ATR: variants seen among roughly 807,000 people sequenced by gnomAD.
ATR encodes serine/threonine-protein kinase ATR.
In ATR, 142 loss-of-function variants were observed where a neutral mutation model predicts 305.3. The observed-to-expected ratio is 0.47, with a 90% CI of 0.41 to 0.53. The LOEUF is 0.53. Ranked by LOEUF, ATR falls within the 20% of genes least tolerant of loss-of-function variation. The pLI, the probability that ATR is intolerant of heterozygous loss-of-function variation, is 0.00. For missense variants in ATR, 2,135 were observed against 3,133.1 expected, an observed-to-expected ratio of 0.68 and a Z score of 7.60; for synonymous variants, 1,050 against 1,068.1, an observed-to-expected ratio of 0.98 and a Z score of 0.33.
intron 1 of ATR, 41 bp from the exon 2 acceptor site, chr3:142,568,195 C>A: frequency 6.5e-7 from 1 of 1,538,716 alleles, no homozygotes; most frequent in Admixed American, 1.7e-5. Flanking sequence ...TAAAGTGACT[C>A]AGTTTCATTT....
At chr3:142,523,953 A>G in intron 22 of ATR, 40 bp downstream of exon 22, 1 of 1,581,038 alleles carries the variant, frequency 6.3e-7, no homozygotes. Context: ...CCTCAATAGG[A>G]CAGAGAACTC....
Position 142,508,254 on chromosome 3 carries a change from A to G in ATR, c.4853-145T>C, listed in dbSNP as rs2032358437. On this transcript the variant is annotated intron_variant, in intron 27 of 46. Transcript: ENST00000350721. ...TCATATTTAGAATGTAACTAACAAC[A>G]GAACAATTGTTCAGAGAGTCTTGCT... 1.7e-5 allele frequency: 12 copies of G among 700,756 alleles called. No individual in the cohort carries two copies. In the East Asian group the frequency reaches 3.4e-4, roughly 20 times the overall value. The allele number at this position is 700,756 out of a possible 1,614,324, so 43.4% of individuals were successfully genotyped here.
chr3:142,547,580 T>A, intron 16 of ATR, 145 bp downstream of exon 16: 1 of 914,574 alleles, frequency 1.1e-6, no homozygotes, highest in Non-Finnish European at 1.6e-6. Context: ...TAAATCAGCC[T>A]TTTCAAAATA....
chr3:142,467,661 G>T (rs2071161629), intron 39 of ATR, among the ~76,000 whole-genome samples: 2 of 151,934 alleles, frequency 1.3e-5, no homozygotes, highest in African/African-American at 4.8e-5. Flanking sequence ...ACTAAAAATT[G>T]CTGAGAAACA....
At chr3:142,551,571 G>A (rs2034470255) in intron 13 of ATR, among the ~76,000 whole-genome samples, 1 of 152,122 alleles carries the variant, frequency 6.6e-6, no homozygotes, top group East Asian at 1.9e-4. Context: ...CAAGCAACAG[G>A]GAAAGGACTC....
chr3:142,457,528 A>G lies in ATR; in HGVS notation c.7655+76T>C, dbSNP rs542358200. On this transcript the variant is annotated intron_variant, in intron 45 of 46. Coordinates refer to ENST00000350721, the MANE Select transcript of ATR (RefSeq NM_001184.4). The stretch of plus-strand genomic sequence containing the variant: ...AGTCAGTACAAAGTGGTTTCTACAT[A>G]AAAACAAACATATGTAGGGGCCAAT... The G allele has an allele frequency of 3.2e-6, 5 of 1,580,764 alleles. No homozygotes were observed. The African/African-American group carries it at 5.4e-5, about 17-fold the overall frequency.
At chr3:142,509,635 T>C (rs963171938) in intron 27 of ATR, among the ~76,000 whole-genome samples, 4 of 142,186 alleles carry the variant, frequency 2.8e-5, no homozygotes, top group African/African-American at 1.1e-4. Context: ...TGTCTCACCG[T>C]AGCCTCAATC....
intron 1 of ATR, among the ~76,000 whole-genome samples, chr3:142,576,596 T>C (rs2035448760): frequency 1.3e-5 from 2 of 152,206 alleles, no homozygotes; most frequent in African/African-American, 4.8e-5. Flanking sequence ...ATTTTTTTAA[T>C]TTAAAAAAAG....
intron 41 of ATR, among the ~76,000 whole-genome samples, chr3:142,462,963 C>A (rs1264368082): frequency 1.3e-5 from 2 of 152,036 alleles, no homozygotes; most frequent in Non-Finnish European, 2.9e-5. Flanking sequence ...TAATTCTAGA[C>A]CTGTATGAAG....
At chr3:142,483,505 A>G (rs999294978) in intron 36 of ATR, among the ~76,000 whole-genome samples, 1 of 152,196 alleles carries the variant, frequency 6.6e-6, no homozygotes, top group Non-Finnish European at 1.5e-5. Flanking sequence ...ACCACTTCTT[A>G]TTGGAATGGG....
chr3:142,496,736 TTC>T (rs1437455046), intron 33 of ATR, among the ~76,000 whole-genome samples: 1 of 152,188 alleles, frequency 6.6e-6, no homozygotes, highest in African/African-American at 2.4e-5. Context: ...TCTTACAGTG[TTC>T]TGTTTTACCT....
intron 18 of ATR, among the ~76,000 whole-genome samples, chr3:142,540,477 T>G (rs1446351984): frequency 6.6e-6 from 1 of 152,194 alleles, no homozygotes; most frequent in Non-Finnish European, 1.5e-5. Flanking sequence ...AGATTAGATA[T>G]TTCTATTAAT....
At chr3:142,490,819 T>C (rs989063734) in intron 35 of ATR, among the ~76,000 whole-genome samples, 1 of 152,210 alleles carries the variant, frequency 6.6e-6, no homozygotes, top group East Asian at 1.9e-4. Context: ...CAGGCAATCT[T>C]GTTTAATTCA....
At position 142,501,211 on chromosome 3, in the gene ATR, AC is replaced by A. The variant is rs547083598; in HGVS notation, c.5289-1494del. On this transcript the variant is annotated intron_variant, in intron 30 of 46. Coordinates refer to ENST00000350721, the MANE Select transcript of ATR (RefSeq NM_001184.4). ...AATCAGGAGGCTCTATGTATCCCAG[AC>A]CCAAAGAGAAGAAAAGAGGAGTCTG... 4.7e-4 allele frequency among the ~76,000 whole-genome samples: 72 copies of A among 152,300 alleles called. 1 individual carries two copies. The highest frequency in any genetic ancestry group is 9.0e-4 in the Non-Finnish European group (61 of 68,018).
chr3:142,560,069 G>A (rs1387577654), intron 6 of ATR, among the ~76,000 whole-genome samples, 194 bp downstream of exon 6: 1 of 152,148 alleles, frequency 6.6e-6, no homozygotes, highest in Non-Finnish European at 1.5e-5. Context: ...CAGGACTATT[G>A]TAAATATTAA....
chr3:142,494,931 A>G (rs1305153518), intron 34 of ATR, among the ~76,000 whole-genome samples: 2 of 152,264 alleles, frequency 1.3e-5, no homozygotes, highest in East Asian at 3.8e-4. Flanking sequence ...GAAGTAAATA[A>G]TAAAGTCATA....
At chr3:142,500,526 A>G (rs2031901569) in intron 30 of ATR, among the ~76,000 whole-genome samples, 1 of 152,182 alleles carries the variant, frequency 6.6e-6, no homozygotes, top group Non-Finnish European at 1.5e-5. Flanking sequence ...TAATAATCTA[A>G]TAACACTGCA....
At chr3:142,574,735 C>T (rs985842736) in intron 1 of ATR, among the ~76,000 whole-genome samples, 2 of 151,996 alleles carry the variant, frequency 1.3e-5, no homozygotes, top group African/African-American at 2.4e-5. Flanking sequence ...ACTGACAGGC[C>T]CAAGAAAGAA....
At chr3:142,568,464 T>C (rs914588229) in intron 1 of ATR, among the ~76,000 whole-genome samples, 5 of 152,238 alleles carry the variant, frequency 3.3e-5, no homozygotes, top group South Asian at 2.1e-4. Flanking sequence ...AAATGTGCTA[T>C]TGATGGCAGT....
Sources: gnomAD v4.1 joint callset for allele counts (sites outside exome capture counted in the v4.1 genomes callset) on GRCh38, gnomAD v4.1.1 for gene constraint, MANE v1.5 for transcripts, NCBI Gene and HGNC (gene_info 2026-07-23, HGNC 2026-07-21) for gene names.